GPATCH2L: variants seen among roughly 807,000 people sequenced by gnomAD.
GPATCH2L encodes the protein G-patch domain containing 2 like.
A neutral mutation model predicts 57.4 loss-of-function variants in GPATCH2L; 31 were observed. That is an observed-to-expected ratio of 0.54 (90% CI 0.41 to 0.73). GPATCH2L has a LOEUF of 0.73. Among genes scored for constraint, GPATCH2L ranks in the 30% least tolerant of loss-of-function variants. GPATCH2L has a pLI of 0.00. For missense variants in GPATCH2L, 481 were observed against 599.9 expected (o/e 0.80, Z 2.07); for synonymous variants, 199 against 210.7 (o/e 0.94, Z 0.48).
At chr14:76,156,291 T>C (rs2038303092) in intron 2 of GPATCH2L, among the ~76,000 whole-genome samples, 1 of 152,198 alleles carries the variant, frequency 6.6e-6, no homozygotes. Context: ...AAGACATTAA[T>C]CTTAGGAACA....
At chr14:76,193,253 C>T (rs1471253341) in intron 8 of GPATCH2L, among the ~76,000 whole-genome samples, 2 of 151,332 alleles carry the variant, frequency 1.3e-5, no homozygotes, top group South Asian at 2.1e-4. Flanking sequence ...TGTCATTCCT[C>T]GAAAGTGTGA....
At chr14:76,217,548 A>T (rs1413577021), downstream of GPATCH2L, among the ~76,000 whole-genome samples, 1 of 152,076 alleles carries the variant, frequency 6.6e-6, no homozygotes, top group African/African-American at 2.4e-5. Context: ...TCCACACTAA[A>T]TACTACTAAA....
chr14:76,234,680 C>G (rs2040589634), intron 2 of GPATCH2L: 1 of 152,420 alleles, frequency 6.6e-6, no homozygotes, highest in African/African-American at 2.4e-5. Context: ...CCTGAAGAAG[C>G]TTGGAGCAGA....
intron 6 of GPATCH2L, among the ~76,000 whole-genome samples, chr14:76,176,995 G>T (rs979334752): frequency 1.3e-5 from 2 of 150,918 alleles, no homozygotes; most frequent in African/African-American, 2.4e-5. Flanking sequence ...CAAAATGGAT[G>T]ATTGCCTCTA....
chr14:76,216,309 A>G (rs1009991895), downstream of GPATCH2L, among the ~76,000 whole-genome samples: 1 of 152,148 alleles, frequency 6.6e-6, no homozygotes, highest in Admixed American at 6.5e-5. Context: ...AATTTATGCT[A>G]CTTGTATGTT....
intron 3 of GPATCH2L, among the ~76,000 whole-genome samples, chr14:76,167,165 C>A (rs543124495): frequency 8.1e-4 from 123 of 151,968 alleles, no homozygotes; most frequent in African/African-American, 2.8e-3. Flanking sequence ...TTATAGTGTC[C>A]TAGGTGAATA....
chr14:76,163,555 G>A (rs1044370977), intron 2 of GPATCH2L, among the ~76,000 whole-genome samples: 2 of 152,150 alleles, frequency 1.3e-5, no homozygotes, highest in Non-Finnish European at 2.9e-5. Context: ...AATTTAGAGT[G>A]CTGTTCTAAT....
At chr14:76,222,953 T>TC (rs1378116060) in intron 1 of GPATCH2L, among the ~76,000 whole-genome samples, 2 of 101,894 alleles carry the variant, frequency 2.0e-5, no homozygotes, top group African/African-American at 3.3e-5. Flanking sequence ...GAGACTGTGT[T>TC]CAAAAAAAAA....
intron 1 of GPATCH2L, among the ~76,000 whole-genome samples, chr14:76,224,727 T>C (rs750983883): frequency 1.4e-4 from 22 of 152,198 alleles, no homozygotes; most frequent in South Asian, 2.1e-4. Context: ...AAGCATATGA[T>C]TGTTTATGTA....
chr14:76,219,629 G>T (rs2040505371), intron 1 of GPATCH2L, among the ~76,000 whole-genome samples: 1 of 152,130 alleles, frequency 6.6e-6, no homozygotes, highest in African/African-American at 2.4e-5. Context: ...AAGTAAAAAG[G>T]TTTTATTGGG....
rs1191664905 is a variant in GPATCH2L at position 76,206,828 on chromosome 14, C to T, written c.*4977C>T. The T allele has an allele frequency of 1.3e-5, 2 of 152,246 alleles. No individual in the cohort carries two copies. Among genetic ancestry groups the T allele is most frequent in the African/African-American group, 4.8e-5 (2 of 41,448 alleles). 9.4% of individuals were successfully genotyped at this position (152,246 alleles called of 1,614,324 possible). On this transcript the variant is annotated 3_prime_UTR_variant, in exon 10 of 10. Transcript: ENST00000261530. ...GATGTTTTAATGGACTGGTCTCCTC[C>T]TAAGCTCTGAGGTGCTCTCATATTC...
intron 8 of GPATCH2L, among the ~76,000 whole-genome samples, chr14:76,188,060 T>C (rs1264228284): frequency 6.6e-6 from 1 of 152,206 alleles, no homozygotes; most frequent in Admixed American, 6.5e-5. Flanking sequence ...CATTCTTTTT[T>C]ATGGCTGAAT....
At chr14:76,231,608 A>C (rs1056931537) in intron 2 of GPATCH2L, among the ~76,000 whole-genome samples, 1 of 95,766 alleles carries the variant, frequency 1.0e-5, no homozygotes, top group Non-Finnish European at 2.1e-5. Flanking sequence ...GGCTAAAATT[A>C]GAAACTAAAC....
chr14:76,230,806 C>G (rs2040557836), intron 2 of GPATCH2L, among the ~76,000 whole-genome samples: 1 of 152,168 alleles, frequency 6.6e-6, no homozygotes, highest in Non-Finnish European at 1.5e-5. Context: ...AACAGGTGCA[C>G]TTTTTATCAT....
At position 76,205,838 on chromosome 14, in the gene GPATCH2L, T is replaced by C. The variant is rs1277390574; in HGVS notation, c.*3987T>C. On this transcript the variant is annotated 3_prime_UTR_variant, in exon 10 of 10. Coordinates refer to ENST00000261530, the MANE Select transcript of GPATCH2L (RefSeq NM_017926.4). Reference sequence around the variant, plus strand: ...GTGATGCATGATTGATTTCAGGTCTTTGTTTCATTTTGGCTTCATTACTGT... The same window carrying C: ...GTGATGCATGATTGATTTCAGGTCTCTGTTTCATTTTGGCTTCATTACTGT... 1 of 152,354 alleles carries C rather than the reference T, an allele frequency of 6.6e-6. No individual in the cohort carries two copies. Among genetic ancestry groups the C allele is most frequent in the African/African-American group, 2.4e-5 (1 of 41,474 alleles). The allele number at this position is 152,354 out of a possible 1,614,324, so 9.4% of individuals were successfully genotyped here.
At chr14:76,173,180 TAACA>T (rs1357987390) in intron 4 of GPATCH2L, among the ~76,000 whole-genome samples, 1 of 152,184 alleles carries the variant, frequency 6.6e-6, no homozygotes, top group African/African-American at 2.4e-5. Context: ...ACGTACAAAC[TAACA>T]TTTAATTTTA....
intron 8 of GPATCH2L, among the ~76,000 whole-genome samples, chr14:76,181,078 T>C (rs533212717): frequency 6.6e-6 from 1 of 152,224 alleles, no homozygotes; most frequent in East Asian, 1.9e-4. Context: ...CTAAGTCTTC[T>C]GGCTCATATT....
intron 2 of GPATCH2L, among the ~76,000 whole-genome samples, chr14:76,159,406 G>T (rs1161450708): frequency 6.6e-6 from 1 of 152,084 alleles, no homozygotes; most frequent in African/African-American, 2.4e-5. Flanking sequence ...TGCCAGCAAG[G>T]GTGCATAGAT....
At chr14:76,189,328 A>C (rs1200068539) in intron 8 of GPATCH2L, among the ~76,000 whole-genome samples, 2 of 151,938 alleles carry the variant, frequency 1.3e-5, no homozygotes, top group African/African-American at 4.8e-5. Flanking sequence ...GATTCTTTCA[A>C]TCCATGAACA....
Sources: gnomAD v4.1 joint callset for allele counts (sites outside exome capture counted in the v4.1 genomes callset) on GRCh38, gnomAD v4.1.1 for gene constraint, MANE v1.5 for transcripts, NCBI Gene and HGNC (gene_info 2026-07-23, HGNC 2026-07-21) for gene names.